The following ELAVL4 variants were observed in gnomAD, a reference collection of about 807,000 sequenced individuals.
ELAVL4 encodes the protein ELAV like RNA binding protein 4.
In ELAVL4, 1 loss-of-function variant was observed where a neutral mutation model predicts 35.6. The observed-to-expected ratio is 0.03, with a 90% CI of 0.01 to 0.13. The LOEUF (loss-of-function observed/expected upper bound fraction) is 0.13, where lower values mean the gene tolerates loss of function less well. ELAVL4 is among the 10% of genes least tolerant of loss of function. ELAVL4 has a pLI of 1.00. For synonymous variants in ELAVL4, 156 were observed against 171.0 expected, an observed-to-expected ratio of 0.91 and a Z score of 0.69; for missense variants, 267 against 464.9, an observed-to-expected ratio of 0.57 and a Z score of 3.91.
At chr1:50,106,310 C>G (rs186323127), upstream of ELAVL4, 61 of 1,613,182 alleles carry the variant, frequency 3.8e-5, no homozygotes, top group East Asian at 9.8e-4. Context: ...GGGATGTGTG[C>G]ATGGTGGCAA....
intron 1 of ELAVL4, among the ~76,000 whole-genome samples, chr1:50,136,277 T>A (rs1009788373): frequency 6.6e-6 from 1 of 152,192 alleles, no homozygotes; most frequent in Admixed American, 6.5e-5. Context: ...TTTGGGAATT[T>A]GTTTTTCAGG....
At chr1:50,194,753 A>G (rs1387628300) in intron 4 of ELAVL4, among the ~76,000 whole-genome samples, 3 of 152,202 alleles carry the variant, frequency 2.0e-5, no homozygotes, top group African/African-American at 7.2e-5. Context: ...AAGGTGTGCC[A>G]TGCCTGGTGG....
chr1:50,083,308 C>T (rs1665092646), intron 1 of ELAVL4, among the ~76,000 whole-genome samples: 1 of 152,112 alleles, frequency 6.6e-6, no homozygotes, highest in Non-Finnish European at 1.5e-5. Context: ...TCAAGTGATC[C>T]TCCCAACTCA....
chr1:50,065,358 T>G (rs772554681), intron 1 of ELAVL4, among the ~76,000 whole-genome samples: 6 of 152,214 alleles, frequency 3.9e-5, no homozygotes, highest in Non-Finnish European at 7.3e-5. Context: ...AAGGAAAAGA[T>G]GCTCTTTCTT....
At chr1:50,157,883 A>G (rs999540356) in intron 2 of ELAVL4, among the ~76,000 whole-genome samples, 1 of 152,216 alleles carries the variant, frequency 6.6e-6, no homozygotes, top group Non-Finnish European at 1.5e-5. Flanking sequence ...TTAAAAAACC[A>G]GAGAGGAAGA....
Position 50,109,013 on chromosome 1 carries a change from T to C in ELAVL4, c.-177T>C. On this transcript the variant is annotated 5_prime_UTR_variant, in exon 1 of 7. Transcript: ENST00000371824. The stretch of plus-strand genomic sequence containing the variant: ...CTGCTCCTTTTCTTTTTTTTCTTTC[T>C]CTCCCCCGCCCACCCCCCCAAAAAT... 2.0e-6 allele frequency: 2 copies of C among 985,712 alleles called. No homozygotes were observed. Among genetic ancestry groups the C allele is most frequent in the South Asian group, 9.3e-5 (2 of 21,592 alleles). The allele number at this position is 985,712 out of a possible 1,614,324, so 61.1% of individuals were successfully genotyped here.
At chr1:50,165,786 G>A (rs566733063) in intron 2 of ELAVL4, among the ~76,000 whole-genome samples, 1 of 150,984 alleles carries the variant, frequency 6.6e-6, no homozygotes, top group Admixed American at 6.6e-5. Flanking sequence ...GTATATATGT[G>A]TATATATATG....
intron 1 of ELAVL4, among the ~76,000 whole-genome samples, chr1:50,049,900 G>GTACT (rs1400126505): frequency 6.6e-6 from 1 of 152,162 alleles, no homozygotes; most frequent in African/African-American, 2.4e-5. Flanking sequence ...CTAAGATAAG[G>GTACT]TACTTGGGTG....
At chr1:50,140,300 G>A (rs927458246) in intron 1 of ELAVL4, among the ~76,000 whole-genome samples, 3 of 152,226 alleles carry the variant, frequency 2.0e-5, no homozygotes, top group Non-Finnish European at 2.9e-5. Context: ...TATCAAAGGC[G>A]TTAGCCTGAG....
chr1:50,120,383 C>T (rs969663329), intron 1 of ELAVL4, among the ~76,000 whole-genome samples: 1 of 151,886 alleles, frequency 6.6e-6, no homozygotes, highest in African/African-American at 2.4e-5. Flanking sequence ...ACTTACAAGG[C>T]CTACTTAAGA....
At chr1:50,176,500 T>G (rs1394827271) in intron 2 of ELAVL4, among the ~76,000 whole-genome samples, 1 of 152,312 alleles carries the variant, frequency 6.6e-6, no homozygotes, top group African/African-American at 2.4e-5. Context: ...GTCCAGCACT[T>G]GCCTCAATTT....
rs146770574 is a variant in ELAVL4, at chr1:50,186,671, T to C, written c.355-7094T>C. Among the ~76,000 whole-genome samples, 899 of 152,274 alleles carry C rather than the reference T, an allele frequency of 5.9e-3. 11 individuals are homozygous for C. The highest frequency in any genetic ancestry group is 9.0e-3 in the Admixed American group (138 of 15,292). Reference sequence around the variant, plus strand: ...TGGACATATTCAGAAAACTGTGACATGTTTTTGTCTGAACTGGAGCATAGG... The same window carrying C: ...TGGACATATTCAGAAAACTGTGACACGTTTTTGTCTGAACTGGAGCATAGG... On this transcript the variant is annotated intron_variant, in intron 3 of 6. Coordinates refer to ENST00000371824, the MANE Select transcript of ELAVL4 (RefSeq NM_001144774.3).
At chr1:50,167,526 G>A (rs1037134982) in intron 2 of ELAVL4, among the ~76,000 whole-genome samples, 4 of 152,134 alleles carry the variant, frequency 2.6e-5, no homozygotes, top group Admixed American at 6.6e-5. Flanking sequence ...CCAGGTAGCC[G>A]GCTAATCACC....
intron 3 of ELAVL4, chr1:50,179,430 C>T (rs1446118681): frequency 6.6e-6 from 1 of 152,080 alleles, no homozygotes; most frequent in Non-Finnish European, 1.5e-5. Flanking sequence ...TAAAGGGACA[C>T]AATGTTTAAG....
upstream of ELAVL4, chr1:50,106,502 G>A (rs866460270): frequency 7.6e-6 from 6 of 789,140 alleles, no homozygotes; most frequent in Middle Eastern, 1.2e-3. Context: ...GTGGATTGTG[G>A]CAGAAAAAAA....
chr1:50,108,709 G>T (rs1392862485), upstream of ELAVL4, among the ~76,000 whole-genome samples: 1 of 152,122 alleles, frequency 6.6e-6, no homozygotes, highest in Non-Finnish European at 1.5e-5. Flanking sequence ...TGTTGCTTCA[G>T]CCGGGCCTTA....
upstream of ELAVL4, chr1:50,108,902 G>A: frequency 9.3e-7 from 1 of 1,079,520 alleles, no homozygotes; most frequent in Non-Finnish European, 1.1e-6. Context: ...ATAAATGGAT[G>A]TAAAAAGGGG....
intron 1 of ELAVL4, among the ~76,000 whole-genome samples, chr1:50,119,040 GAAA>G (rs1668518304): frequency 3.9e-4 from 18 of 46,336 alleles, no homozygotes; most frequent in African/African-American, 1.4e-3. Context: ...GAAAGAAAAA[GAAA>G]GAAAGAAAGA....
At position 50,177,233 on chromosome 1, in the gene ELAVL4, G is replaced by A. The variant is rs776794890; in HGVS notation, c.354+41G>A. 8.1e-6 allele frequency: 12 copies of A among 1,486,360 alleles called. No individual in the cohort carries two copies. In the African/African-American group the frequency reaches 1.7e-4, roughly 21 times the overall value. The allele number at this position is 1,486,360 out of a possible 1,614,324, so 92.1% of individuals were successfully genotyped here. ...CTGGCTCCTGATTCAGGAGGCTCTG[G>A]TTAAATTTCATTCTGTTGATCTGGT... On this transcript the variant is annotated intron_variant, in intron 3 of 6. Coordinates refer to ENST00000371824, the MANE Select transcript of ELAVL4 (RefSeq NM_001144774.3).
Sources: gnomAD v4.1 joint callset for allele counts (sites outside exome capture counted in the v4.1 genomes callset) on GRCh38, gnomAD v4.1.1 for gene constraint, MANE v1.5 for transcripts, NCBI Gene and HGNC (gene_info 2026-07-23, HGNC 2026-07-21) for gene names.